The following FANCC variants were observed in gnomAD, a reference collection of about 807,000 sequenced individuals.
FANCC encodes the protein FA complementation group C.
In FANCC, 55 loss-of-function variants were observed where a neutral mutation model predicts 71.3. That is an observed-to-expected ratio of 0.77 (90% CI 0.62 to 0.97). The LOEUF (loss-of-function observed/expected upper bound fraction) is 0.97. Ranked by LOEUF, FANCC falls within the 50% of genes least tolerant of loss-of-function variation. The pLI is 0.00. For synonymous variants in FANCC, 275 were observed against 244.9 expected (o/e 1.12, Z -1.15); for missense variants, 678 against 670.9 (o/e 1.01, Z -0.12).
At chr9:95,273,710 C>G (rs1324158163) in intron 1 of FANCC, among the ~76,000 whole-genome samples, 1 of 152,192 alleles carries the variant, frequency 6.6e-6, no homozygotes, top group Non-Finnish European at 1.5e-5. Context: ...ATTATCTAAT[C>G]AGCTCAGTAT....
intron 9 of FANCC, among the ~76,000 whole-genome samples, 175 bp downstream of exon 9, chr9:95,126,354 C>T (rs1825974568): frequency 1.3e-5 from 2 of 152,204 alleles, no homozygotes. Flanking sequence ...TTTAAATTTA[C>T]ACTGATTTTT....
At chr9:95,122,685 G>A (rs1445980302) in intron 10 of FANCC, among the ~76,000 whole-genome samples, 1 of 152,208 alleles carries the variant, frequency 6.6e-6, no homozygotes, top group African/African-American at 2.4e-5. Flanking sequence ...TAGAGGCTGA[G>A]GGTGAAGCTA....
At chr9:95,311,545 C>G (rs1260900005) in intron 1 of FANCC, among the ~76,000 whole-genome samples, 1 of 151,946 alleles carries the variant, frequency 6.6e-6, no homozygotes, top group Non-Finnish European at 1.5e-5. Context: ...AAAGTCATAG[C>G]CTTTTATTTA....
chr9:95,132,667 ACTTTT>A (rs1011900935), intron 8 of FANCC, among the ~76,000 whole-genome samples: 15 of 152,120 alleles, frequency 9.9e-5, no homozygotes, highest in East Asian at 1.9e-4. Flanking sequence ...GGTTTTGAAA[ACTTTT>A]CTTTTATTTT....
At chr9:95,263,049 A>T (rs527501198) in intron 1 of FANCC, among the ~76,000 whole-genome samples, 3 of 152,350 alleles carry the variant, frequency 2.0e-5, no homozygotes, top group African/African-American at 7.2e-5. Flanking sequence ...TAATGTAATC[A>T]ATGCCACTGA....
At chr9:95,199,289 G>C (rs1427353737) in intron 4 of FANCC, among the ~76,000 whole-genome samples, 2 of 151,736 alleles carry the variant, frequency 1.3e-5, no homozygotes, top group South Asian at 4.2e-4. Flanking sequence ...CTTAGATATA[G>C]AGAAGCCTTC....
chr9:95,273,086 T>G (rs1832828976), intron 1 of FANCC, among the ~76,000 whole-genome samples: 1 of 152,182 alleles, frequency 6.6e-6, no homozygotes, highest in Admixed American at 6.5e-5. Context: ...AGGACAAATG[T>G]GATCAATAAA....
rs202077435 is a variant in FANCC at position 95,263,527 on chromosome 9, TATAG to T, written c.-78-14162_-78-14159del. On this transcript the variant is annotated intron_variant, in intron 1 of 14. Transcript: ENST00000289081. ...GTATATATATATATATCTATATATA[TATAG>T]ATATAGATAGATAGATAGATAGATA... is the stretch of plus-strand genomic sequence containing the variant. Among the ~76,000 whole-genome samples the T allele has an allele frequency of 7.8e-4, 111 of 142,418 alleles. No individual in the cohort carries two copies. In the East Asian group the frequency reaches 0.018, roughly 24 times the overall value. The allele number at this position is 142,418 out of a possible 152,430, so 93.4% of individuals were successfully genotyped here.
chr9:95,126,112 T>G (rs1825940450), intron 9 of FANCC, among the ~76,000 whole-genome samples: 3 of 152,240 alleles, frequency 2.0e-5, no homozygotes, highest in Non-Finnish European at 2.9e-5. Context: ...AGAAGAGTTC[T>G]GTTAAGAATG....
intron 1 of FANCC, among the ~76,000 whole-genome samples, chr9:95,290,464 A>G (rs1019168092): frequency 6.6e-6 from 1 of 152,188 alleles, no homozygotes; most frequent in African/African-American, 2.4e-5. Flanking sequence ...ATCTTGAAAA[A>G]GGGATTTGAG....
At chr9:95,107,755 C>T (rs146837999) in intron 13 of FANCC, among the ~76,000 whole-genome samples, 2 of 152,102 alleles carry the variant, frequency 1.3e-5, no homozygotes, top group Admixed American at 6.6e-5. Context: ...CACACATGCA[C>T]GCACGTGTAC....
intron 4 of FANCC, among the ~76,000 whole-genome samples, chr9:95,196,034 T>C (rs763810198): frequency 2.0e-5 from 3 of 152,216 alleles, no homozygotes; most frequent in Non-Finnish European, 2.9e-5. Context: ...CTTTAAGATA[T>C]TCTATGTAAA....
chr9:95,238,192 C>T (rs574870198), intron 4 of FANCC, among the ~76,000 whole-genome samples: 112 of 152,298 alleles, frequency 7.4e-4, no homozygotes, highest in African/African-American at 2.5e-3. Flanking sequence ...CCTACCCCAG[C>T]ACTCTCTGGG....
Position 95,284,050 on chromosome 9 carries a change from C to T in FANCC, c.-79+33476G>A, listed in dbSNP as rs148864029. Among the ~76,000 whole-genome samples, 183 of 152,334 alleles carry T rather than the reference C, an allele frequency of 1.2e-3. 2 individuals carry two copies. The highest frequency in any genetic ancestry group is 4.3e-3 in the African/African-American group (178 of 41,586). The stretch of plus-strand genomic sequence containing the variant: ...ATTGTGCCTGGCACATTTTAACACC[C>T]ATTCAATGTCAGTTATTATCATTAG... On this transcript the variant is annotated intron_variant, in intron 1 of 14. Transcript: ENST00000289081.
chr9:95,233,834 A>G (rs1830144133), intron 4 of FANCC, among the ~76,000 whole-genome samples: 1 of 152,210 alleles, frequency 6.6e-6, no homozygotes, highest in African/African-American at 2.4e-5. Flanking sequence ...AATATTTCAC[A>G]AATGTACTCA....
intron 1 of FANCC, among the ~76,000 whole-genome samples, chr9:95,301,504 T>A (rs1834731518): frequency 6.6e-6 from 1 of 152,122 alleles, no homozygotes; most frequent in East Asian, 1.9e-4. Flanking sequence ...TGATTTAGGC[T>A]CACTGCAGCC....
intron 4 of FANCC, among the ~76,000 whole-genome samples, chr9:95,232,126 T>C (rs1464795287): frequency 6.6e-6 from 1 of 152,190 alleles, no homozygotes; most frequent in Non-Finnish European, 1.5e-5. Flanking sequence ...GGAGCAGGCA[T>C]GTCACGCAGC....
chr9:95,267,252 A>G (rs1441597057), intron 1 of FANCC, among the ~76,000 whole-genome samples: 1 of 152,194 alleles, frequency 6.6e-6, no homozygotes, highest in Non-Finnish European at 1.5e-5. Flanking sequence ...CTACCCCTCC[A>G]TGCCTGAAGG....
intron 4 of FANCC, among the ~76,000 whole-genome samples, chr9:95,186,320 G>C (rs1385426300): frequency 6.6e-6 from 1 of 152,212 alleles, no homozygotes; most frequent in Admixed American, 6.5e-5. Context: ...ACAATTCCTT[G>C]TTGCAGGGGC....
Sources: gnomAD v4.1 joint callset for allele counts (sites outside exome capture counted in the v4.1 genomes callset) on GRCh38, gnomAD v4.1.1 for gene constraint, MANE v1.5 for transcripts, NCBI Gene and HGNC (gene_info 2026-07-23, HGNC 2026-07-21) for gene names.